Variants in FGGY observed in about 807,000 individuals in gnomAD.
The protein encoded by FGGY is FGGY carbohydrate kinase domain containing, also known as FGGY carbohydrate kinase domain-containing protein.
FGGY carries 72 observed loss-of-function variants against 71.3 expected under a neutral mutation model. The observed-to-expected ratio is 1.01, with a 90% CI of 0.84 to 1.23. The LOEUF is 1.23. FGGY is among the 50% of genes most tolerant of loss of function. The pLI, the probability that FGGY is intolerant of heterozygous loss-of-function variation, is 0.00. For missense variants in FGGY, 668 were observed against 682.3 expected (o/e 0.98, Z 0.23); for synonymous variants, 251 against 250.3 (o/e 1.00, Z -0.02).
intron 8 of FGGY, 109 bp downstream of exon 8, chr1:59,554,336 G>T: frequency 1.3e-6 from 1 of 757,942 alleles, no homozygotes; most frequent in South Asian, 2.2e-5. Context: ...TCTTTTCCCT[G>T]CCTGCCCCTT....
chr1:59,558,347 C>G (rs529330728), intron 8 of FGGY, among the ~76,000 whole-genome samples: 1 of 152,210 alleles, frequency 6.6e-6, no homozygotes, highest in East Asian at 1.9e-4. Context: ...TTTCTATTTT[C>G]CGTAAGTGTC....
Position 59,554,221 on chromosome 1 carries a change from C to T in FGGY, c.897C>T (p.His299=). The T allele has an allele frequency of 1.2e-6, 2 of 1,612,798 alleles. No individual in the cohort carries two copies. Among genetic ancestry groups the T allele is most frequent in the Non-Finnish European group, 1.7e-6 (2 of 1,179,238 alleles). ...TCATCTGTGGAACGTCTTCTTGTCA[C>T]ATGGGGGTGAGTCCACTGAGCACAA... is the stretch of plus-strand genomic sequence containing the variant. ...LAVICGTSSC[H]MGISKDPIFV... Residue 299 remains histidine, a synonymous_variant, in exon 8 of 16, where the codon CAC becomes CAT. Transcript: ENST00000303721.
At chr1:59,709,863 T>C (rs1478529244) in intron 14 of FGGY, among the ~76,000 whole-genome samples, 1 of 152,210 alleles carries the variant, frequency 6.6e-6, no homozygotes, top group African/African-American at 2.4e-5. Flanking sequence ...GCTTTCCAAA[T>C]TCTACATGGA....
chr1:59,511,138 A>G (rs2094507663), intron 6 of FGGY, among the ~76,000 whole-genome samples: 1 of 152,122 alleles, frequency 6.6e-6, no homozygotes, highest in Non-Finnish European at 1.5e-5. Context: ...ATTCAATTGT[A>G]GATAGAAGCT....
intron 8 of FGGY, among the ~76,000 whole-genome samples, chr1:59,586,466 A>T (rs1181935082): frequency 6.6e-6 from 1 of 151,976 alleles, no homozygotes; most frequent in African/African-American, 2.4e-5. Flanking sequence ...ATGAGAACAC[A>T]TGGACACAGG....
intron 14 of FGGY, among the ~76,000 whole-genome samples, chr1:59,712,295 G>A (rs373693419): frequency 3.3e-4 from 51 of 152,256 alleles, no homozygotes; most frequent in East Asian, 2.5e-3. Context: ...GGTTTTGCAC[G>A]GTACGACCTC....
chr1:59,333,183 A>T, intron 2 of FGGY, among the ~76,000 whole-genome samples: 1 of 152,184 alleles, frequency 6.6e-6, no homozygotes, highest in Non-Finnish European at 1.5e-5. Context: ...AGTTTGAGTC[A>T]TCTATATTTT....
intron 5 of FGGY, among the ~76,000 whole-genome samples, chr1:59,453,999 TAA>T (rs1427370854): frequency 6.6e-6 from 1 of 152,190 alleles, no homozygotes; most frequent in Non-Finnish European, 1.5e-5. Flanking sequence ...TGCAATATTT[TAA>T]ACTTACAATG....
intron 11 of FGGY, among the ~76,000 whole-genome samples, chr1:59,638,861 C>T (rs2096989404): frequency 6.6e-6 from 1 of 152,202 alleles, no homozygotes; most frequent in Non-Finnish European, 1.5e-5. Flanking sequence ...TAATTTATAA[C>T]TTATGTTGGA....
chr1:59,444,913 G>A (rs1042003973), intron 5 of FGGY, among the ~76,000 whole-genome samples: 2 of 152,088 alleles, frequency 1.3e-5, no homozygotes, highest in Admixed American at 1.3e-4. Flanking sequence ...AGTTGTAATT[G>A]TGTATCCTTT....
In FGGY at chr1:59,653,717, G is replaced by A. The variant is rs142255306; in HGVS notation, c.1222-6502G>A. 4.9e-3 allele frequency among the ~76,000 whole-genome samples: 743 copies of A among 152,310 alleles called. 7 individuals carry two copies. Among genetic ancestry groups the A allele is most frequent in the African/African-American group, 0.017 (718 of 41,574 alleles). On this transcript the variant is annotated intron_variant, in intron 11 of 15. Coordinates refer to ENST00000303721, the MANE Select transcript of FGGY (RefSeq NM_018291.5). ...AATGCGGAAATCACCCGTCTTCTGC[G>A]TTGCTCACGCTGGGAGCTGTAGACT...
chr1:59,317,498 C>A (rs1479895696), intron 1 of FGGY, among the ~76,000 whole-genome samples: 1 of 152,206 alleles, frequency 6.6e-6, no homozygotes, highest in Non-Finnish European at 1.5e-5. Context: ...ATGCTTTCCA[C>A]TTTACAGTTA....
At chr1:59,481,899 C>T (rs536788564) in intron 6 of FGGY, among the ~76,000 whole-genome samples, 2 of 152,104 alleles carry the variant, frequency 1.3e-5, no homozygotes, top group African/African-American at 2.4e-5. Flanking sequence ...GTATTTGGAT[C>T]TATTTCACAG....
chr1:59,753,046 G>C (rs945409010), intron 14 of FGGY, among the ~76,000 whole-genome samples: 7 of 152,134 alleles, frequency 4.6e-5, no homozygotes, highest in Admixed American at 2.6e-4. Context: ...AAAAGTCACT[G>C]TATTAATTGT....
chr1:59,660,371 G>A, intron 12 of FGGY, 78 bp downstream of exon 12: 1 of 1,024,962 alleles, frequency 9.8e-7, no homozygotes, highest in Non-Finnish European at 1.4e-6. Flanking sequence ...CCAAGATACA[G>A]CACATGCTTT....
intron 4 of FGGY, among the ~76,000 whole-genome samples, chr1:59,346,760 C>G (rs1379193150): frequency 6.6e-6 from 1 of 152,044 alleles, no homozygotes; most frequent in Non-Finnish European, 1.5e-5. Context: ...TGTGACAGAA[C>G]CAGAATTTGA....
At chr1:59,381,426 T>A (rs1206732515) in intron 5 of FGGY, among the ~76,000 whole-genome samples, 1 of 152,134 alleles carries the variant, frequency 6.6e-6, no homozygotes, top group Admixed American at 6.6e-5. Context: ...AGCTTTTTTC[T>A]ATTAACTTTT....
chr1:59,351,260 C>T (rs923288297), intron 4 of FGGY, among the ~76,000 whole-genome samples: 1 of 152,200 alleles, frequency 6.6e-6, no homozygotes, highest in Non-Finnish European at 1.5e-5. Context: ...TCTGGACCAA[C>T]AGATGAAAAG....
intron 6 of FGGY, among the ~76,000 whole-genome samples, chr1:59,509,729 A>T (rs2094474526): frequency 1.3e-5 from 2 of 152,180 alleles, no homozygotes; most frequent in Non-Finnish European, 2.9e-5. Flanking sequence ...CTGCATGCCC[A>T]GGACTCTCTC....
Sources: allele counts gnomAD v4.1 joint callset (sites outside exome capture counted in the v4.1 genomes callset), GRCh38; gene constraint gnomAD v4.1.1; transcripts MANE v1.5; gene names NCBI Gene and HGNC (gene_info 2026-07-23, HGNC 2026-07-21).